ST7L: variants seen among roughly 807,000 people sequenced by gnomAD.
ST7L encodes suppressor of tumorigenicity 7 protein-like.
Under a neutral mutation model 72.5 loss-of-function variants are expected in ST7L, and 57 were observed. That is an observed-to-expected ratio of 0.79 (90% CI 0.64 to 0.98). The LOEUF (loss-of-function observed/expected upper bound fraction) is 0.98, where lower values mean the gene tolerates loss of function less well. Ranked by LOEUF, ST7L falls within the 50% of genes least tolerant of loss-of-function variation. ST7L has a pLI of 0.00. For missense variants in ST7L, 576 were observed against 672.2 expected, an observed-to-expected ratio of 0.86 and a Z score of 1.58; for synonymous variants, 221 against 240.9, an observed-to-expected ratio of 0.92 and a Z score of 0.77.
intron 14 of ST7L, among the ~76,000 whole-genome samples, chr1:112,533,591 G>A (rs1446591545): frequency 1.3e-5 from 2 of 152,088 alleles, no homozygotes; most frequent in Admixed American, 6.6e-5. Flanking sequence ...TGGGATTACA[G>A]GCGTGAACCA....
chr1:112,533,463 C>T (rs1057365283), intron 14 of ST7L, among the ~76,000 whole-genome samples: 29 of 151,780 alleles, frequency 1.9e-4, no homozygotes, highest in Non-Finnish European at 2.8e-4. Context: ...GGACTACAGG[C>T]GCGCCACCAC....
intron 13 of ST7L, among the ~76,000 whole-genome samples, chr1:112,550,024 C>G (rs915078672): frequency 1.3e-5 from 2 of 152,032 alleles, no homozygotes; most frequent in Non-Finnish European, 2.9e-5. Flanking sequence ...CAGATTTTGT[C>G]AAATGCTTTT....
At chr1:112,593,557 C>T (rs1160918527) in intron 5 of ST7L, among the ~76,000 whole-genome samples, 1 of 152,122 alleles carries the variant, frequency 6.6e-6, no homozygotes, top group Non-Finnish European at 1.5e-5. Context: ...ACTGAAAGCA[C>T]ATTCACTGTC....
chr1:112,550,541 T>C (rs1657938352), intron 13 of ST7L, 60 bp downstream of exon 13: 1 of 1,320,380 alleles, frequency 7.6e-7, no homozygotes, highest in Non-Finnish European at 1.1e-6. Flanking sequence ...TGGAGAATAC[T>C]ATGACAAACA....
In ST7L at chr1:112,525,238, G is replaced by A. The variant is rs1653218675; in HGVS notation, c.*775C>T. ...CTCTTAACTGGGTTAGAAAACTGGA[G>A]AGCTTTGGATTCCAGGGATGATCTC... On this transcript the variant is annotated 3_prime_UTR_variant, in exon 15 of 15. Transcript: ENST00000358039. 1 of 152,236 alleles carries A rather than the reference G, an allele frequency of 6.6e-6. No homozygotes were observed. The highest frequency in any genetic ancestry group is 2.1e-4 in the South Asian group (1 of 4,838). The allele number at this position is 152,236 out of a possible 1,614,324, so 9.4% of individuals were successfully genotyped here. A position where few individuals can be genotyped will look rare whatever the true frequency, so the allele number is the denominator to read the frequency against.
At chr1:112,589,738 G>A (rs1003324805) in intron 6 of ST7L, among the ~76,000 whole-genome samples, 3 of 152,190 alleles carry the variant, frequency 2.0e-5, no homozygotes, top group Non-Finnish European at 4.4e-5. Context: ...CTCTGTGTGG[G>A]TGCTAGGGCA....
chr1:112,574,216 C>CT (rs749479758), intron 11 of ST7L, among the ~76,000 whole-genome samples: 2,320 of 127,070 alleles, frequency 0.018, 50 homozygotes, highest in East Asian at 0.087. Context: ...TGCGCCCGGA[C>CT]TTTTTTTTTT....
chr1:112,532,741 C>G (rs1259736499), intron 14 of ST7L, among the ~76,000 whole-genome samples: 1 of 152,146 alleles, frequency 6.6e-6, no homozygotes, highest in African/African-American at 2.4e-5. Flanking sequence ...TGGCTACTGT[C>G]AAGACAGACT....
intron 3 of ST7L, among the ~76,000 whole-genome samples, chr1:112,607,950 A>G (rs149802433): frequency 6.6e-6 from 1 of 152,324 alleles, no homozygotes; most frequent in East Asian, 1.9e-4. Flanking sequence ...GGTAGCTAAT[A>G]TTATTGAATA....
At chr1:112,593,691 T>C (rs1666016417) in intron 5 of ST7L, among the ~76,000 whole-genome samples, 1 of 152,196 alleles carries the variant, frequency 6.6e-6, no homozygotes. Flanking sequence ...AATCTCCTGA[T>C]TTTTAAATGC....
upstream of ST7L, chr1:112,619,484 G>T: frequency 1.9e-6 from 1 of 528,572 alleles, no homozygotes; most frequent in Non-Finnish European, 3.3e-6. Flanking sequence ...TTCGGCTGTC[G>T]TGGAGATAAC....
At chr1:112,619,404 A>G (rs1004702835), upstream of ST7L, 2 of 505,044 alleles carry the variant, frequency 4.0e-6, no homozygotes, top group South Asian at 3.0e-5. Flanking sequence ...CACCTTTCAC[A>G]CCGCCCCCCC....
At chr1:112,577,506 G>C (rs529448999) in intron 10 of ST7L, among the ~76,000 whole-genome samples, 25 of 142,832 alleles carry the variant, frequency 1.8e-4, no homozygotes, top group African/African-American at 6.2e-4. Flanking sequence ...CTCCAGCCTG[G>C]GCAACAAGAG....
intron 1 of ST7L, chr1:112,618,077 A>G: frequency 7.7e-7 from 1 of 1,303,806 alleles, no homozygotes; most frequent in Non-Finnish European, 1.0e-6. Context: ...ATCAACCACC[A>G]TACTGAATCA....
At position 112,547,561 on chromosome 1, in the gene ST7L, C is replaced by CTTTTTTTTT. The variant is rs59755766; in HGVS notation, c.1489+3031_1489+3039dup. ...ACACATTGTCTGTCATCTTTGTCATCTTTTTTTTTTTTTTTTTTTTTTTTT... is the reference window on the plus strand; with the variant it reads ...ACACATTGTCTGTCATCTTTGTCATCTTTTTTTTTTTTTTTTTTTTTTTTTTTTTTTTTT... On this transcript the variant is annotated intron_variant, in intron 13 of 14. Transcript: ENST00000358039. Among the ~76,000 whole-genome samples the CTTTTTTTTT allele has an allele frequency of 2.1e-4, 13 of 62,028 alleles. 3 individuals are homozygous for CTTTTTTTTT. Among genetic ancestry groups the CTTTTTTTTT allele is most frequent in the African/African-American group, 7.0e-4 (11 of 15,640 alleles). The allele number at this position is 62,028 out of a possible 152,430, so 40.7% of individuals were successfully genotyped here.
intron 8 of ST7L, 30 bp downstream of exon 8, chr1:112,582,345 A>C (rs1439676065): frequency 2.0e-6 from 3 of 1,478,974 alleles, no homozygotes; most frequent in Non-Finnish European, 2.8e-6. Context: ...GGAGGAATAA[A>C]TGTAATAGTC....
intron 7 of ST7L, among the ~76,000 whole-genome samples, chr1:112,582,809 TA>T (rs1246406039): frequency 6.6e-6 from 1 of 152,138 alleles, no homozygotes. Context: ...ATACATACAT[TA>T]TAGTAAGATA....
chr1:112,618,952 G>A lies in ST7L; in HGVS notation c.162C>T (p.Tyr54=). ...ACAGCCTCAAAGGGATCCTCAGGGC[G>A]TAAAGCAGCCCCAGCCCCGCCACGA... ...LWFVAGLGLL[Y]ALRIPLRLCE... The change falls in exon 1 of 15, where the codon TAC becomes TAT. Residue 54 remains tyrosine (Y), a synonymous_variant. Transcript: ENST00000358039. The A allele has an allele frequency of 6.3e-7, 1 of 1,591,700 alleles. No homozygotes were observed. The highest frequency in any genetic ancestry group is 8.6e-7 in the Non-Finnish European group (1 of 1,169,306).
At chr1:112,591,732 G>T in intron 5 of ST7L, 129 bp from the exon 6 acceptor site, 5 of 521,892 alleles carry the variant, frequency 9.6e-6, no homozygotes, top group Admixed American at 8.0e-5. Flanking sequence ...CAAGAAACTA[G>T]GTTATTAGTT....
Sources: allele counts gnomAD v4.1 joint callset (sites outside exome capture counted in the v4.1 genomes callset), GRCh38; gene constraint gnomAD v4.1.1; transcripts MANE v1.5; gene names NCBI Gene and HGNC (gene_info 2026-07-23, HGNC 2026-07-21).